RAD50: variants seen among roughly 807,000 people sequenced by gnomAD.
The protein encoded by RAD50 is RAD50 double strand break repair protein.
Under a neutral mutation model 168.8 loss-of-function variants are expected in RAD50, and 132 were observed. That is an observed-to-expected ratio of 0.78 (90% CI 0.68 to 0.90). RAD50 has a LOEUF of 0.90. Ranked by LOEUF, RAD50 falls within the 40% of genes least tolerant of loss-of-function variation. RAD50 has a pLI of 0.00. For missense variants in RAD50, 1,347 were observed against 1,534.4 expected (o/e 0.88, Z 2.04); for synonymous variants, 525 against 497.4 (o/e 1.06, Z -0.74).
intron 21 of RAD50, among the ~76,000 whole-genome samples, chr5:132,628,230 G>A (rs1230793479): frequency 1.3e-5 from 2 of 152,082 alleles, no homozygotes; most frequent in African/African-American, 4.8e-5. Flanking sequence ...GCATATCCAC[G>A]GCATTTAACC....
At chr5:132,633,420 A>G (rs1035029594) in intron 21 of RAD50, among the ~76,000 whole-genome samples, 1 of 151,662 alleles carries the variant, frequency 6.6e-6, no homozygotes, top group Non-Finnish European at 1.5e-5. Context: ...AGCTTTCTTT[A>G]TGGTATCTTT....
At chr5:132,579,839 A>G in intron 4 of RAD50, 23 bp from the exon 5 acceptor site, 1 of 1,580,034 alleles carries the variant, frequency 6.3e-7, no homozygotes, top group South Asian at 1.1e-5. Flanking sequence ...CAGAAATTTG[A>G]TTTTTGTTTC....
rs530126661 is a variant in RAD50 at position 132,620,280 on chromosome 5, A to AT, written c.3389+1992dup. 1.5e-4 allele frequency among the ~76,000 whole-genome samples: 23 copies of AT among 152,066 alleles called. No homozygotes were observed. In the South Asian group the frequency reaches 4.6e-3, roughly 30 times the overall value. On this transcript the variant is annotated intron_variant, in intron 21 of 24. Coordinates refer to ENST00000378823, the MANE Select transcript of RAD50 (RefSeq NM_005732.4). ...ATTTAAGTATTTAATTCTAAGTTGA[A>AT]TTTTTTCCGTTATGAATAACTGGTT...
intron 3 of RAD50, among the ~76,000 whole-genome samples, chr5:132,577,608 G>A (rs1750421262): frequency 6.6e-6 from 1 of 151,942 alleles, no homozygotes; most frequent in Non-Finnish European, 1.5e-5. Flanking sequence ...CATCAATAAA[G>A]GTTGGAAGTC....
chr5:132,589,894 T>A, intron 9 of RAD50, 57 bp downstream of exon 9: 1 of 1,437,516 alleles, frequency 7.0e-7, no homozygotes, highest in Non-Finnish European at 9.6e-7. Context: ...TTAGAAGTAT[T>A]TTGTCTATTT....
chr5:132,585,909 G>A (rs1750588488), intron 5 of RAD50, among the ~76,000 whole-genome samples: 1 of 152,068 alleles, frequency 6.6e-6, no homozygotes, highest in Non-Finnish European at 1.5e-5. Context: ...TTCTAAATAT[G>A]TTCTGGATAC....
At chr5:132,562,639 C>G (rs1215814351) in intron 2 of RAD50, among the ~76,000 whole-genome samples, 1 of 151,818 alleles carries the variant, frequency 6.6e-6, no homozygotes, top group Non-Finnish European at 1.5e-5. Flanking sequence ...TGTTAAATAT[C>G]CAAAGGAGAT....
At chr5:132,637,372 G>GT (rs1751605509) in intron 22 of RAD50, among the ~76,000 whole-genome samples, 172 bp downstream of exon 22, 1 of 152,048 alleles carries the variant, frequency 6.6e-6, no homozygotes. Context: ...AAAATGTAAA[G>GT]TTTTCTGTTC....
chr5:132,558,718 C>CAA (rs35515008), intron 1 of RAD50, among the ~76,000 whole-genome samples: 554 of 75,076 alleles, frequency 7.4e-3, no homozygotes, highest in South Asian at 8.6e-3. Flanking sequence ...TCTCCCCCCA[C>CAA]AAAAAAAAAA....
At chr5:132,575,533 T>G (rs1035213505) in intron 2 of RAD50, among the ~76,000 whole-genome samples, 9 of 152,230 alleles carry the variant, frequency 5.9e-5, no homozygotes, top group Admixed American at 4.6e-4. Context: ...ATTCATTTAT[T>G]TGAAAAATCT....
chr5:132,604,465 CTG>C (rs916176033), intron 15 of RAD50, among the ~76,000 whole-genome samples: 1 of 152,052 alleles, frequency 6.6e-6, no homozygotes. Context: ...TGGGGTTTCA[CTG>C]TGTTTGTCAG....
In RAD50 at chr5:132,604,895, T is replaced by C. The variant is rs1561645666; in HGVS notation, c.2614T>C (p.Ser872Pro). The change falls in exon 16 of 25, where the codon TCT becomes CCT. Residue 872 changes from serine (S) to proline (P), a missense_variant. Ser to Pro is a moderately conservative substitution (Grantham distance 74). This residue lies in a region of RAD50 where 635 missense variants were observed against 739.2 expected (regional missense o/e 0.86). Coordinates refer to ENST00000378823, the MANE Select transcript of RAD50 (RefSeq NM_005732.4). ...AAAAAGTACAACAAATGAGCTAAAATCTGAGAAACTTCAGATATCCACTAA... is the reference window on the plus strand; with the variant it reads ...AAAAAGTACAACAAATGAGCTAAAACCTGAGAAACTTCAGATATCCACTAA... ...HLKSTTNELK[S>P]EKLQISTNLQ... The C allele has an allele frequency of 6.2e-7, 1 of 1,613,658 alleles. No homozygotes were observed. The highest frequency in any genetic ancestry group is 8.5e-7 in the Non-Finnish European group (1 of 1,179,656).
At chr5:132,599,904 C>T (rs982017035) in intron 13 of RAD50, among the ~76,000 whole-genome samples, 1 of 152,180 alleles carries the variant, frequency 6.6e-6, no homozygotes. Flanking sequence ...CCTTCCACCT[C>T]TGGTTAGGAT....
chr5:132,580,514 C>T (rs1386556395), intron 5 of RAD50, among the ~76,000 whole-genome samples: 1 of 152,140 alleles, frequency 6.6e-6, no homozygotes, highest in South Asian at 2.1e-4. Flanking sequence ...CATTACCCAA[C>T]CTTACAGTTC....
At chr5:132,598,339 C>T (rs1327381222) in intron 13 of RAD50, among the ~76,000 whole-genome samples, 1 of 152,196 alleles carries the variant, frequency 6.6e-6, no homozygotes, top group Non-Finnish European at 1.5e-5. Flanking sequence ...CGTGAGCCAC[C>T]GTGCTGGGCC....
intron 13 of RAD50, among the ~76,000 whole-genome samples, chr5:132,602,545 C>T (rs1282911979): frequency 2.0e-5 from 3 of 152,056 alleles, no homozygotes; most frequent in Middle Eastern, 3.4e-3. Context: ...GGCTTCCTTC[C>T]TTTTTTTCCT....
intron 20 of RAD50, among the ~76,000 whole-genome samples, chr5:132,617,718 T>G (rs1024420975): frequency 6.6e-6 from 1 of 152,190 alleles, no homozygotes; most frequent in Admixed American, 6.5e-5. Flanking sequence ...TGTTGATAAT[T>G]GTGCATTCTC....
chr5:132,565,291 G>C (rs1007018479), intron 2 of RAD50, among the ~76,000 whole-genome samples: 1 of 128,348 alleles, frequency 7.8e-6, no homozygotes, highest in African/African-American at 3.9e-5. Context: ...CCCAGTTTCA[G>C]GTTTTTTTTT....
chr5:132,611,966 G>T (rs1751096191), intron 19 of RAD50, among the ~76,000 whole-genome samples: 1 of 152,166 alleles, frequency 6.6e-6, no homozygotes. Flanking sequence ...GAAAGCAAAG[G>T]TTCTTAGCTA....
Sources: allele counts gnomAD v4.1 joint callset (sites outside exome capture counted in the v4.1 genomes callset), GRCh38; gene constraint gnomAD v4.1.1; regional missense constraint gnomAD v4.1.1; transcripts MANE v1.5; gene names NCBI Gene and HGNC (gene_info 2026-07-23, HGNC 2026-07-21).